LTV1: variants seen among roughly 807,000 people sequenced by gnomAD.
LTV1 encodes the protein protein LTV1 homolog.
Under a neutral mutation model 59.9 loss-of-function variants are expected in LTV1, and 39 were observed. The observed-to-expected ratio is 0.65, with a 90% CI of 0.50 to 0.85. LTV1 has a LOEUF of 0.85. Ranked by LOEUF, LTV1 falls within the 40% of genes least tolerant of loss-of-function variation. LTV1 has a pLI of 0.00. For missense variants in LTV1, 493 were observed against 549.1 expected, an observed-to-expected ratio of 0.90 and a Z score of 1.02; for synonymous variants, 171 against 189.5, an observed-to-expected ratio of 0.90 and a Z score of 0.80.
At chr6:143,849,337 A>C (rs1776944634) in intron 3 of LTV1, among the ~76,000 whole-genome samples, 1 of 152,240 alleles carries the variant, frequency 6.6e-6, no homozygotes, top group Non-Finnish European at 1.5e-5. Flanking sequence ...ACTAGAGATT[A>C]GGACATTATC....
At chr6:143,850,307 A>C (rs1277402126) in intron 4 of LTV1, 89 bp downstream of exon 4, 2 of 933,234 alleles carry the variant, frequency 2.1e-6, no homozygotes, top group Non-Finnish European at 3.4e-6. Flanking sequence ...TCCCCAGTAA[A>C]GTATTGAAAC....
At chr6:143,849,502 C>T (rs1237788647) in intron 3 of LTV1, among the ~76,000 whole-genome samples, 2 of 152,150 alleles carry the variant, frequency 1.3e-5, no homozygotes, top group East Asian at 3.9e-4. Context: ...TTTGGTAAAA[C>T]ATGGTGATAC....
Position 143,846,132 on chromosome 6 carries a change from A to G in LTV1, c.217A>G (p.Lys73Glu). 6.2e-7 allele frequency: 1 copy of G among 1,614,194 alleles called. No homozygotes were observed. Among genetic ancestry groups the G allele is most frequent in the South Asian group, 1.1e-5 (1 of 91,088 alleles). The change falls in exon 3 of 11, where the codon AAG becomes GAG. Residue 73 changes from lysine (K) to glutamate (E), a missense_variant. By Grantham distance (56) the Lys-to-Glu change is moderately conservative. Transcript: ENST00000367576. ...CGACTATGACTACCTGCAGCACCTG[A>G]AGGAACCATCTGGGCCTTCAGAGCT... ...DDDYDYLQHL[K>E]EPSGPSELIP...
chr6:143,857,647 A>C lies in LTV1; in HGVS notation c.540-105A>C. The C allele has an allele frequency of 7.6e-7, 1 of 1,320,606 alleles. No homozygotes were observed. Among genetic ancestry groups the C allele is most frequent in the East Asian group, 2.3e-5 (1 of 42,914 alleles). The allele number at this position is 1,320,606 out of a possible 1,614,324, so 81.8% of individuals were successfully genotyped here. A position where few individuals can be genotyped will look rare whatever the true frequency, so the allele number is the denominator to read the frequency against. On this transcript the variant is annotated intron_variant, in intron 5 of 10. Transcript: ENST00000367576. This position sits in a 1 kb window ranked among gnomAD's most constrained non-coding sequence, Gnocchi z 5.2. Reference sequence around the variant, plus strand: ...AAACACCCTCACTCTTCCTGCCTAGACAAGAACCCTTCCTGAAATACCTTC... The same window carrying C: ...AAACACCCTCACTCTTCCTGCCTAGCCAAGAACCCTTCCTGAAATACCTTC...
rs974801619 is a variant in LTV1 at position 143,862,387 on chromosome 6, C to G, written c.1063+144C>G. ...GTCACCTGATGTCAGGAGTTCAAGA[C>G]CAGCCTGGCCAACATGGTGAAACCC... On this transcript the variant is annotated intron_variant, in intron 8 of 10. Coordinates refer to ENST00000367576, the MANE Select transcript of LTV1 (RefSeq NM_032860.5). The surrounding 1 kb of genome is among the most constrained non-coding windows in gnomAD (Gnocchi z 4.2). The G allele has an allele frequency of 2.3e-5, 14 of 616,402 alleles. No homozygotes were observed. In the African/African-American group the frequency reaches 2.6e-4, roughly 12 times the overall value. The allele number at this position is 616,402 out of a possible 1,614,324, so 38.2% of individuals were successfully genotyped here.
chr6:143,850,137 G>A lies in LTV1; in HGVS notation c.316G>A (p.Gly106Arg). The change falls in exon 4 of 11, where the codon GGA becomes AGA. Residue 106 changes from glycine (G) to arginine (R), a missense_variant. Coordinates refer to ENST00000367576, the MANE Select transcript of LTV1 (RefSeq NM_032860.5). ...KEETLVIPST[G>R]IKLPSSVFAS... ...GTGCAATTTCTTTTTCAAGAGCACT[G>A]GAATTAAGTTGCCTTCATCAGTGTT... The A allele has an allele frequency of 6.2e-7, 1 of 1,612,930 alleles. No individual in the cohort carries two copies. The highest frequency in any genetic ancestry group is 8.5e-7 in the Non-Finnish European group (1 of 1,179,368).
In LTV1 at chr6:143,863,564, G is replaced by T. The variant is rs767728443; in HGVS notation, c.*37G>T. On this transcript the variant is annotated 3_prime_UTR_variant, in exon 11 of 11. Coordinates refer to ENST00000367576, the MANE Select transcript of LTV1 (RefSeq NM_032860.5). This position sits in a 1 kb window ranked among gnomAD's most constrained non-coding sequence, Gnocchi z 4.5. ...TACAGGGCAAGGCACTTTATTAGGGGCTCCTCATCTTTGGTTATTGACTAG... is the reference window on the plus strand; with the variant it reads ...TACAGGGCAAGGCACTTTATTAGGGTCTCCTCATCTTTGGTTATTGACTAG... 42 of 1,359,748 alleles carry T rather than the reference G, an allele frequency of 3.1e-5. No individual in the cohort carries two copies. The highest frequency in any genetic ancestry group is 1.6e-5 in the Non-Finnish European group (16 of 983,418). The allele number at this position is 1,359,748 out of a possible 1,614,324, so 84.2% of individuals were successfully genotyped here. A position where few individuals can be genotyped will look rare whatever the true frequency, so the allele number is the denominator to read the frequency against.
chr6:143,848,608 T>C (rs778400334), intron 3 of LTV1, among the ~76,000 whole-genome samples: 10 of 152,124 alleles, frequency 6.6e-5, no homozygotes, highest in Non-Finnish European at 1.2e-4. Flanking sequence ...CAGAGATAAA[T>C]AACACATGGC....
At chr6:143,860,594 T>C (rs1777146668) in intron 7 of LTV1, 41 bp downstream of exon 7, 3 of 1,540,680 alleles carry the variant, frequency 1.9e-6, no homozygotes, top group Non-Finnish European at 2.6e-6. Context: ...GTTCTTTTTT[T>C]TAAAAAAGAA....
chr6:143,850,391 C>T (rs1776962976), intron 4 of LTV1, among the ~76,000 whole-genome samples, 173 bp downstream of exon 4: 1 of 152,068 alleles, frequency 6.6e-6, no homozygotes, highest in African/African-American at 2.4e-5. Context: ...TTTTTGTATT[C>T]CTACCATCAA....
intron 7 of LTV1, 145 bp from the exon 8 acceptor site, chr6:143,861,959 C>T (rs1426975990): frequency 2.7e-6 from 2 of 731,328 alleles, no homozygotes; most frequent in Non-Finnish European, 4.3e-6. Flanking sequence ...CAGAGTTTGA[C>T]AGAAAATAAC....
At position 143,857,593 on chromosome 6, in the gene LTV1, A is replaced by T; in HGVS notation, c.539+149A>T. The stretch of plus-strand genomic sequence containing the variant: ...TTTTAGAGCAGAAAATGTGAGATTC[A>T]TTGCTTTTCCTACCAAACCAGATTG... On this transcript the variant is annotated intron_variant, in intron 5 of 10. Transcript: ENST00000367576. This position sits in a 1 kb window ranked among gnomAD's most constrained non-coding sequence, Gnocchi z 5.2. 1.8e-6 allele frequency: 2 copies of T among 1,112,524 alleles called. No homozygotes were observed. Among genetic ancestry groups the T allele is most frequent in the South Asian group, 1.5e-5 (1 of 66,962 alleles). The allele number at this position is 1,112,524 out of a possible 1,614,324, so 68.9% of individuals were successfully genotyped here. A position where few individuals can be genotyped will look rare whatever the true frequency, so the allele number is the denominator to read the frequency against.
At chr6:143,848,580 G>A (rs1776932393) in intron 3 of LTV1, among the ~76,000 whole-genome samples, 2 of 152,160 alleles carry the variant, frequency 1.3e-5, no homozygotes, top group African/African-American at 2.4e-5. Flanking sequence ...CTGAGGATAG[G>A]GCAGGTGGTG....
rs773817874 is a variant in LTV1 at position 143,857,957 on chromosome 6, G to T, written c.745G>T (p.Val249Phe). Residue 249 changes from valine (V) to phenylalanine (F), a missense_variant, in exon 6 of 11, where the codon GTC becomes TTC. Val to Phe is a conservative substitution (Grantham distance 50, BLOSUM62 -1). Coordinates refer to ENST00000367576, the MANE Select transcript of LTV1 (RefSeq NM_032860.5). The surrounding 1 kb of genome is among the most constrained non-coding windows in gnomAD (Gnocchi z 5.2). Reference sequence around the variant, plus strand: ...CACGGAGTATTCGATGACTTCCTCAGTCATGAGGAGAAATGAACAGCTGAC... The same window carrying T: ...CACGGAGTATTCGATGACTTCCTCATTCATGAGGAGAAATGAACAGCTGAC... ...RFTEYSMTSS[V>F]MRRNEQLTLH... 5 of 1,613,858 alleles carry T rather than the reference G, an allele frequency of 3.1e-6. No individual in the cohort carries two copies. The highest frequency in any genetic ancestry group is 4.2e-6 in the Non-Finnish European group (5 of 1,179,766).
chr6:143,844,604 T>C lies in LTV1; in HGVS notation c.122T>C (p.Leu41Ser). The C allele has an allele frequency of 1.9e-6, 3 of 1,613,852 alleles. No homozygotes were observed. The highest frequency in any genetic ancestry group is 2.5e-6 in the Non-Finnish European group (3 of 1,179,916). ...ADESAPQRVL[L>S]PTQKIDNEER... ...GAGAGTGCACCCCAGAGGGTTCTAT[T>C]GCCCACACAAAAAGTAGGTCCTGTT... The change falls in exon 2 of 11, where the codon TTG (leucine) becomes TCG (serine). Residue 41 changes from leucine to serine, a missense_variant. Transcript: ENST00000367576.
rs1308276883 is a variant in LTV1, at chr6:143,844,939, C to T, written c.135+322C>T. ...ATTCACATTATTTTGATTGGGAAGACAAAGATCTTTATTTGAGATGTTTAA... is the reference window on the plus strand; with the variant it reads ...ATTCACATTATTTTGATTGGGAAGATAAAGATCTTTATTTGAGATGTTTAA... On this transcript the variant is annotated intron_variant, in intron 2 of 10. Transcript: ENST00000367576. Among the ~76,000 whole-genome samples, 13 of 152,258 alleles carry T rather than the reference C, an allele frequency of 8.5e-5. No homozygotes were observed. The East Asian group carries it at 2.3e-3, about 27-fold the overall frequency.
intron 3 of LTV1, 108 bp from the exon 4 acceptor site, chr6:143,850,023 C>A: frequency 1.4e-6 from 1 of 732,012 alleles, no homozygotes; most frequent in Non-Finnish European, 2.3e-6. Context: ...CAAATATGGT[C>A]AGTCTAAGGT....
chr6:143,853,015 T>A (rs1225678769), intron 4 of LTV1, among the ~76,000 whole-genome samples: 2 of 152,212 alleles, frequency 1.3e-5, no homozygotes, highest in Non-Finnish European at 2.9e-5. Context: ...TGCCTCCAGC[T>A]TTGTTCTTTC....
intron 3 of LTV1, among the ~76,000 whole-genome samples, chr6:143,847,656 C>G (rs563593965): frequency 5.1e-4 from 78 of 152,198 alleles, no homozygotes; most frequent in African/African-American, 1.9e-3. Context: ...CCACCGCGCC[C>G]GGTCGTATAA....
Sources: allele counts gnomAD v4.1 joint callset (sites outside exome capture counted in the v4.1 genomes callset), GRCh38; gene constraint gnomAD v4.1.1; non-coding constraint Gnocchi (gnomAD v3.1); transcripts MANE v1.5; gene names NCBI Gene and HGNC (gene_info 2026-07-23, HGNC 2026-07-21).